EIF4G3: variants seen among roughly 807,000 people sequenced by gnomAD.
EIF4G3 encodes eIF-4-gamma 3.
EIF4G3 carries 34 observed loss-of-function variants against 186.4 expected under a neutral mutation model. That is an observed-to-expected ratio of 0.18 (90% CI 0.14 to 0.24). EIF4G3 has a LOEUF of 0.24. EIF4G3 is among the 10% of genes least tolerant of loss of function. EIF4G3 has a pLI of 1.00. For synonymous variants in EIF4G3, 673 were observed against 679.5 expected, an observed-to-expected ratio of 0.99 and a Z score of 0.15; for missense variants, 1,536 against 1,948.5, an observed-to-expected ratio of 0.79 and a Z score of 3.99.
rs1486843494 is a variant in EIF4G3 at position 21,176,709 on chromosome 1, G to A, written c.-456+13C>T. On this transcript the variant is annotated intron_variant, in intron 1 of 36. Coordinates refer to ENST00000602326, the MANE Select transcript of EIF4G3 (RefSeq NM_001391906.1). ...GCCGGACCCGGCGGGGGCAGGAGGC[G>A]GAGAGACCGGACCTTTCACGGCAAT... The A allele has an allele frequency of 2.8e-5, 18 of 653,304 alleles. No individual in the cohort carries two copies. Among genetic ancestry groups the A allele is most frequent in the Non-Finnish European group, 5.0e-5 (18 of 362,414 alleles). The allele number at this position is 653,304 out of a possible 1,614,324, so 40.5% of individuals were successfully genotyped here.
chr1:20,952,820 A>C (rs2096275044), intron 12 of EIF4G3, among the ~76,000 whole-genome samples: 1 of 152,152 alleles, frequency 6.6e-6, no homozygotes, highest in South Asian at 2.1e-4. Flanking sequence ...ACTGCACTCC[A>C]GCCTAGGCAA....
At chr1:21,070,922 A>G (rs1052115666) in intron 3 of EIF4G3, among the ~76,000 whole-genome samples, 1 of 152,218 alleles carries the variant, frequency 6.6e-6, no homozygotes, top group Non-Finnish European at 1.5e-5. Flanking sequence ...AGTTCATTTT[A>G]TTATATTTCA....
chr1:21,068,396 A>AAAAAAAAAC (rs1200202846), intron 3 of EIF4G3, among the ~76,000 whole-genome samples: 13 of 148,804 alleles, frequency 8.7e-5, no homozygotes, highest in Non-Finnish European at 1.5e-4. Flanking sequence ...AAAAAAAAAA[A>AAAAAAAAAC]AAAACAGAAT....
At chr1:21,103,049 T>C (rs1428698185) in intron 2 of EIF4G3, among the ~76,000 whole-genome samples, 1 of 152,234 alleles carries the variant, frequency 6.6e-6, no homozygotes, top group Non-Finnish European at 1.5e-5. Context: ...ATTTTTTAAA[T>C]TGATAATATT....
intron 10 of EIF4G3, among the ~76,000 whole-genome samples, 183 bp from the exon 11 acceptor site, chr1:20,973,282 C>G (rs2076241234): frequency 6.6e-6 from 1 of 152,192 alleles, no homozygotes; most frequent in Non-Finnish European, 1.5e-5. Context: ...AAATTATTCC[C>G]AAAATATGTA....
intron 2 of EIF4G3, among the ~76,000 whole-genome samples, chr1:21,107,545 G>GGA (rs961317288): frequency 1.3e-3 from 200 of 152,310 alleles, no homozygotes; most frequent in African/African-American, 4.5e-3. Flanking sequence ...GATGAGTTCT[G>GGA]AGGTTCCAGA....
chr1:21,169,440 T>C (rs2097916171), intron 2 of EIF4G3, among the ~76,000 whole-genome samples: 1 of 151,840 alleles, frequency 6.6e-6, no homozygotes, highest in African/African-American at 2.4e-5. Context: ...AGGGCAACAC[T>C]CTCTCCCCCC....
chr1:21,049,902 T>C (rs2094115643), intron 4 of EIF4G3, among the ~76,000 whole-genome samples: 1 of 151,844 alleles, frequency 6.6e-6, no homozygotes, highest in Non-Finnish European at 1.5e-5. Context: ...AAAAAAATAA[T>C]AAGGAATAAA....
chr1:21,122,670 G>A (rs1453426350), intron 2 of EIF4G3, among the ~76,000 whole-genome samples: 1 of 152,200 alleles, frequency 6.6e-6, no homozygotes, highest in African/African-American at 2.4e-5. Context: ...AAGTTCAACT[G>A]TGATTCAATT....
intron 2 of EIF4G3, among the ~76,000 whole-genome samples, chr1:21,121,888 C>T (rs1348777863): frequency 6.6e-6 from 1 of 152,112 alleles, no homozygotes; most frequent in Non-Finnish European, 1.5e-5. Context: ...CCATTATACA[C>T]ATTTCACTGC....
chr1:20,992,639 T>C (rs983105609), intron 7 of EIF4G3, among the ~76,000 whole-genome samples: 4 of 152,198 alleles, frequency 2.6e-5, no homozygotes, highest in Non-Finnish European at 1.5e-5. Context: ...TTTTCAGCAT[T>C]TGTGAAAAGT....
intron 4 of EIF4G3, among the ~76,000 whole-genome samples, chr1:21,013,112 G>A (rs1272173494): frequency 1.3e-5 from 2 of 152,032 alleles, no homozygotes; most frequent in Admixed American, 6.6e-5. Context: ...ATATCTCAGA[G>A]GGGCCCTCAG....
chr1:21,170,468 C>G (rs915049843), intron 2 of EIF4G3, among the ~76,000 whole-genome samples: 2 of 151,820 alleles, frequency 1.3e-5, no homozygotes, highest in Non-Finnish European at 1.5e-5. Flanking sequence ...GTCAGGAGTT[C>G]GAGAACAGCC....
intron 2 of EIF4G3, among the ~76,000 whole-genome samples, chr1:21,114,777 T>C (rs181985248): frequency 6.6e-6 from 1 of 152,364 alleles, no homozygotes; most frequent in African/African-American, 2.4e-5. Flanking sequence ...TGACATTTTG[T>C]TTGTTTTCAA....
chr1:21,134,524 G>A (rs1221628680), intron 2 of EIF4G3, among the ~76,000 whole-genome samples: 1 of 152,072 alleles, frequency 6.6e-6, no homozygotes, highest in Admixed American at 6.6e-5. Flanking sequence ...ACAAAAATTA[G>A]TCAGACATGG....
At chr1:21,164,866 T>C (rs1035474092) in intron 2 of EIF4G3, among the ~76,000 whole-genome samples, 1 of 151,766 alleles carries the variant, frequency 6.6e-6, no homozygotes, top group African/African-American at 2.4e-5. Context: ...CTCAAGAAAA[T>C]GAAAAGATAA....
chr1:20,934,208 T>G (rs1441946418), intron 14 of EIF4G3, among the ~76,000 whole-genome samples: 2 of 152,220 alleles, frequency 1.3e-5, no homozygotes, highest in African/African-American at 4.8e-5. Flanking sequence ...CTGATGACCC[T>G]GCTGAGGAAG....
At chr1:21,020,917 T>C (rs1329475446) in intron 4 of EIF4G3, among the ~76,000 whole-genome samples, 8 of 152,130 alleles carry the variant, frequency 5.3e-5, no homozygotes, top group African/African-American at 1.9e-4. Context: ...GACTATTAGA[T>C]TGATCACACA....
At chr1:20,976,223 C>T (rs542871436) in intron 10 of EIF4G3, among the ~76,000 whole-genome samples, 48 of 151,494 alleles carry the variant, frequency 3.2e-4, no homozygotes, top group Non-Finnish European at 5.4e-4. Context: ...ATGTGCACAA[C>T]GTGCAGGTTA....
Sources: gnomAD v4.1 joint callset for allele counts (sites outside exome capture counted in the v4.1 genomes callset) on GRCh38, gnomAD v4.1.1 for gene constraint, MANE v1.5 for transcripts, NCBI Gene and HGNC (gene_info 2026-07-23, HGNC 2026-07-21) for gene names.